The following FBXL17 variants were observed in gnomAD, a reference collection of about 807,000 sequenced individuals.
FBXL17 encodes the protein F-box and leucine rich repeat protein 17, also known as F-box/LRR-repeat protein 17.
In FBXL17, 22 loss-of-function variants were observed where a neutral mutation model predicts 66.2. That is an observed-to-expected ratio of 0.33 (90% CI 0.24 to 0.47). The LOEUF (loss-of-function observed/expected upper bound fraction) is 0.47, where lower values mean the gene tolerates loss of function less well. FBXL17 is among the 20% of genes least tolerant of loss of function. The pLI is 1.00. For synonymous variants in FBXL17, 474 were observed against 400.5 expected (o/e 1.18, Z -2.19); for missense variants, 878 against 948.2 (o/e 0.93, Z 0.97).
At chr5:108,193,512 G>A (rs977423631) in intron 5 of FBXL17, among the ~76,000 whole-genome samples, 2 of 152,040 alleles carry the variant, frequency 1.3e-5, no homozygotes, top group Middle Eastern at 3.2e-3. Flanking sequence ...CCTTGAGAAG[G>A]TCTGTTATCT....
At chr5:108,242,179 A>AAGTAG (rs1420451124) in intron 4 of FBXL17, among the ~76,000 whole-genome samples, 1 of 152,212 alleles carries the variant, frequency 6.6e-6, no homozygotes, top group East Asian at 1.9e-4. Context: ...TAGAAAGACT[A>AAGTAG]AAAGATGAAC....
chr5:107,997,989 A>G (rs1411964713), intron 7 of FBXL17, among the ~76,000 whole-genome samples: 2 of 152,216 alleles, frequency 1.3e-5, no homozygotes, highest in Admixed American at 6.5e-5. Context: ...CTAGAGCTAC[A>G]CTGTCCAAAG....
At chr5:108,366,663 G>C (rs1421216539) in intron 2 of FBXL17, among the ~76,000 whole-genome samples, 1 of 151,992 alleles carries the variant, frequency 6.6e-6, no homozygotes, top group Non-Finnish European at 1.5e-5. Context: ...CAAGCTGATA[G>C]ATTGCTTTAC....
intron 4 of FBXL17, among the ~76,000 whole-genome samples, chr5:108,314,615 T>C (rs1759272813): frequency 1.3e-5 from 2 of 151,382 alleles, no homozygotes; most frequent in South Asian, 2.1e-4. Context: ...AGTTAGTCTG[T>C]ACTACCTAGA....
At chr5:107,861,999 G>A in intron 8 of FBXL17, 139 bp from the exon 9 acceptor site, 1 of 851,948 alleles carries the variant, frequency 1.2e-6, no homozygotes, top group Non-Finnish European at 1.6e-6. Context: ...GTGAGGAAGG[G>A]TTTTGTGAGG....
At chr5:107,882,227 T>C (rs967352676) in intron 7 of FBXL17, among the ~76,000 whole-genome samples, 1 of 152,196 alleles carries the variant, frequency 6.6e-6, no homozygotes, top group African/African-American at 2.4e-5. Flanking sequence ...TAAAGGTGAA[T>C]GATAGTTCCC....
intron 8 of FBXL17, among the ~76,000 whole-genome samples, chr5:107,872,217 G>A (rs905496462): frequency 9.2e-5 from 14 of 152,192 alleles, no homozygotes; most frequent in African/African-American, 3.4e-4. Flanking sequence ...TTGCAGGGCT[G>A]GGCTCTGAAA....
In FBXL17 at chr5:108,381,548, G is replaced by A. The variant is rs568497997; in HGVS notation, c.144C>T (p.Pro48=). 13 of 1,429,070 alleles carry A rather than the reference G, an allele frequency of 9.1e-6. No individual in the cohort carries two copies. Among genetic ancestry groups the A allele is most frequent in the Admixed American group, 5.9e-5 (2 of 33,952 alleles). The allele number at this position is 1,429,070 out of a possible 1,614,324, so 88.5% of individuals were successfully genotyped here. Residue 48 remains proline, a synonymous_variant, in exon 1 of 9, where the codon CCC becomes CCT. Coordinates refer to ENST00000542267, the MANE Select transcript of FBXL17 (RefSeq NM_001163315.3). ...CGCGGAAGAAGCAGTCCCGGCTCCGGGGCGCCGCCGGCTGAGGGGGCACCT... is the reference window on the plus strand; with the variant it reads ...CGCGGAAGAAGCAGTCCCGGCTCCGAGGCGCCGCCGGCTGAGGGGGCACCT... ...PAKVPPQPAA[P]RSRDCFFRGP...
chr5:107,889,109 T>C (rs1749105551), intron 7 of FBXL17, among the ~76,000 whole-genome samples: 1 of 152,206 alleles, frequency 6.6e-6, no homozygotes, highest in East Asian at 1.9e-4. Flanking sequence ...TGTATCTTTA[T>C]CATGGTGCCA....
intron 6 of FBXL17, among the ~76,000 whole-genome samples, chr5:108,107,824 G>A (rs286813): frequency 0.65 from 92,119 of 142,388 alleles, 31,021 homozygotes; most frequent in East Asian, 0.92. Flanking sequence ...AAAAAAAAAA[G>A]AAAAGAAAAA....
At chr5:108,336,932 A>C (rs1164845805) in intron 4 of FBXL17, among the ~76,000 whole-genome samples, 2 of 152,108 alleles carry the variant, frequency 1.3e-5, no homozygotes, top group Admixed American at 6.5e-5. Flanking sequence ...CTCATTTAAA[A>C]TGTGATTTTA....
At chr5:108,104,651 A>G (rs1005293484) in intron 6 of FBXL17, among the ~76,000 whole-genome samples, 1 of 152,224 alleles carries the variant, frequency 6.6e-6, no homozygotes, top group Non-Finnish European at 1.5e-5. Context: ...AACATTAAAT[A>G]AAAACAAATA....
At chr5:108,196,887 T>C (rs1753702216) in intron 5 of FBXL17, among the ~76,000 whole-genome samples, 1 of 152,194 alleles carries the variant, frequency 6.6e-6, no homozygotes, top group South Asian at 2.1e-4. Context: ...TTCAAAACTT[T>C]TTTTTAAGAG....
chr5:108,010,534 G>A (rs1754135877), intron 7 of FBXL17, among the ~76,000 whole-genome samples: 1 of 152,088 alleles, frequency 6.6e-6, no homozygotes, highest in African/African-American at 2.4e-5. Context: ...TTTTAAGCTG[G>A]AGGAATAAAA....
chr5:108,312,680 A>G (rs1443858466), intron 4 of FBXL17, among the ~76,000 whole-genome samples: 2 of 152,112 alleles, frequency 1.3e-5, no homozygotes, highest in African/African-American at 2.4e-5. Context: ...TAAAAACACA[A>G]CTATGTAAAT....
At chr5:108,107,530 C>T (rs1164934177) in intron 6 of FBXL17, among the ~76,000 whole-genome samples, 1 of 151,908 alleles carries the variant, frequency 6.6e-6, no homozygotes. Flanking sequence ...AGAGAAATCT[C>T]GGCCAGGCAC....
intron 4 of FBXL17, among the ~76,000 whole-genome samples, chr5:108,317,284 C>T (rs1759410119): frequency 6.6e-6 from 1 of 150,722 alleles, no homozygotes; most frequent in Non-Finnish European, 1.5e-5. Flanking sequence ...ACATAAAGAA[C>T]ACTTTATTAA....
intron 6 of FBXL17, among the ~76,000 whole-genome samples, chr5:108,110,429 A>AG (rs61505017): frequency 0.66 from 99,646 of 151,964 alleles, 33,624 homozygotes; most frequent in East Asian, 0.92. Flanking sequence ...CATACAAAAC[A>AG]AAAAACCTAT....
chr5:108,145,321 T>C (rs1397735075), intron 6 of FBXL17, among the ~76,000 whole-genome samples: 4 of 152,116 alleles, frequency 2.6e-5, no homozygotes, highest in Non-Finnish European at 5.9e-5. Flanking sequence ...AGAGATCACA[T>C]GGTAACAAGC....
Sources: gnomAD v4.1 joint callset for allele counts (sites outside exome capture counted in the v4.1 genomes callset) on GRCh38, gnomAD v4.1.1 for gene constraint, MANE v1.5 for transcripts, NCBI Gene and HGNC (gene_info 2026-07-23, HGNC 2026-07-21) for gene names.